Variants in HGFAC observed in about 807,000 individuals in gnomAD.
HGFAC encodes HGF activator.
In HGFAC, 76 loss-of-function variants were observed where a neutral mutation model predicts 70.6. The ratio of observed to expected loss-of-function variants is 1.08; its 90% CI spans 0.89 to 1.30. The LOEUF (loss-of-function observed/expected upper bound fraction) is 1.30, where lower values mean the gene tolerates loss of function less well. HGFAC is among the 50% of genes most tolerant of loss of function. The pLI is 0.00. For synonymous variants in HGFAC, 464 were observed against 405.3 expected (o/e 1.14, Z -1.74); for missense variants, 1,044 against 933.7 (o/e 1.12, Z -1.54).
Position 3,449,333 on chromosome 4 carries a change from C to G in HGFAC, c.1882C>G (p.Pro628Ala), listed in dbSNP as rs1725651298. The change falls in exon 14 of 14, where the codon CCG (proline) becomes GCG (alanine). Residue 628 changes from proline to alanine, a missense_variant. Coordinates refer to ENST00000382774, the MANE Select transcript of HGFAC (RefSeq NM_001528.4). Reference sequence around the variant, plus strand: ...TGACGGCTGCGGGCGGCTCCACAAGCCGGGGGTCTACACCCGCGTGGCCAA... The same window carrying G: ...TGACGGCTGCGGGCGGCTCCACAAGGCGGGGGTCTACACCCGCGTGGCCAA... ...WGDGCGRLHK[P>A]GVYTRVANYV... is the part of the protein sequence containing the mutation. 6.2e-7 allele frequency: 1 copy of G among 1,611,820 alleles called. No individual in the cohort carries two copies. Among genetic ancestry groups the G allele is most frequent in the South Asian group, 1.1e-5 (1 of 90,992 alleles).
chr4:3,445,073 G>A (rs1725455862), intron 8 of HGFAC, 80 bp downstream of exon 8: 4 of 1,440,038 alleles, frequency 2.8e-6, no homozygotes, highest in East Asian at 2.5e-5. Context: ...GGCTCCCTAG[G>A]ACCCAGGCGG....
At chr4:3,447,732 G>A (rs899153184) in intron 11 of HGFAC, 101 bp downstream of exon 11, 1 of 1,551,476 alleles carries the variant, frequency 6.4e-7, no homozygotes, top group Non-Finnish European at 8.8e-7. Flanking sequence ...ATGTGGTGCG[G>A]GGGAAGCTGG....
Position 3,447,731 on chromosome 4 carries a change from G to A in HGFAC, c.1495+100G>A, listed in dbSNP as rs1037637827. On this transcript the variant is annotated intron_variant, in intron 11 of 13. Transcript: ENST00000382774. ...CAGGAGCTGGGCAGACATGTGGTGC[G>A]GGGGAAGCTGGGGGCAGGGCAGGGA... 4.0e-5 allele frequency: 62 copies of A among 1,548,806 alleles called. 1 individual carries two copies. The highest frequency in any genetic ancestry group is 5.4e-5 in the African/African-American group (4 of 73,842).
At position 3,444,876 on chromosome 4, in the gene HGFAC, C is replaced by T. The variant is rs889873680; in HGVS notation, c.899C>T (p.Thr300Ile). 3.1e-6 allele frequency: 5 copies of T among 1,608,114 alleles called. No homozygotes were observed. The highest frequency in any genetic ancestry group is 2.2e-5 in the East Asian group (1 of 44,786). The part of the protein sequence containing the change: ...NGTGYRGVAS[T>I]SASGLSCLAW... ...ACTGGGTACCGTGGCGTGGCCAGCA[C>T]CTCAGCCTCGGGCCTCAGCTGCCTG... is the stretch of plus-strand genomic sequence containing the variant. Residue 300 changes from threonine to isoleucine, a missense_variant, in exon 8 of 14, where the codon ACC becomes ATC. By Grantham distance (89) the Thr-to-Ile change is moderately conservative. Transcript: ENST00000382774.
At position 3,447,515 on chromosome 4, in the gene HGFAC, T is replaced by C. The variant is rs764041312; in HGVS notation, c.1379T>C (p.Val460Ala). 1.2e-6 allele frequency: 2 copies of C among 1,612,612 alleles called. No homozygotes were observed. The highest frequency in any genetic ancestry group is 1.3e-5 in the African/African-American group (1 of 75,050). The change falls in exon 11 of 14, where the codon GTG (valine) becomes GCG (alanine). Residue 460 changes from valine to alanine, a missense_variant. Transcript: ENST00000382774. ...SHSPPRDSVSVVLGQHFFNRT... is the reference protein window; with the variant it reads ...SHSPPRDSVSAVLGQHFFNRT... ...AGCCCCCCCAGGGACAGCGTCTCCG[T>C]GGTGCTGGGCCAGCACTTCTTCAAC...
chr4:3,449,066 C>G (rs1423009752), intron 13 of HGFAC, among the ~76,000 whole-genome samples, 171 bp from the exon 14 acceptor site: 1 of 152,150 alleles, frequency 6.6e-6, no homozygotes, highest in Non-Finnish European at 1.5e-5. Flanking sequence ...CCTGGCCCAG[C>G]CAGTGCTGCC....
At chr4:3,445,026 CG>C in intron 8 of HGFAC, 33 bp downstream of exon 8, 1 of 1,515,704 alleles carries the variant, frequency 6.6e-7, no homozygotes. Flanking sequence ...CCGCCGCATG[CG>C]GGGCAGGCAG....
rs746692659 is a variant in HGFAC at position 3,442,767 on chromosome 4, G to A, written c.153G>A (p.Ala51=). Residue 51 remains alanine (A), a synonymous_variant, in exon 2 of 14, where the codon GCG becomes GCA. Transcript: ENST00000382774. ...AGTCCCCAGAACCTAATGCCACAGCGACCCCTGCGATCCCCACTATCCTGG... is the reference window on the plus strand; with the variant it reads ...AGTCCCCAGAACCTAATGCCACAGCAACCCCTGCGATCCCCACTATCCTGG... ...RTESPEPNAT[A]TPAIPTILVT... 5.2e-6 allele frequency: 8 copies of A among 1,525,100 alleles called. No homozygotes were observed. The highest frequency in any genetic ancestry group is 4.5e-5 in the Admixed American group (2 of 44,042). 94.5% of individuals were successfully genotyped at this position (1,525,100 alleles called of 1,614,324 possible). A position where few individuals can be genotyped will look rare whatever the true frequency, so the allele number is the denominator to read the frequency against.
intron 1 of HGFAC, 57 bp from the exon 2 acceptor site, chr4:3,442,675 G>C: frequency 7.8e-7 from 1 of 1,281,550 alleles, no homozygotes; most frequent in Non-Finnish European, 1.0e-6. Context: ...CCTCCTGCCC[G>C]GCAGGACCTG....
chr4:3,449,284 C>A lies in HGFAC; in HGVS notation c.1833C>A (p.Tyr611Ter). 3 of 1,612,510 alleles carry A rather than the reference C, an allele frequency of 1.9e-6. No homozygotes were observed. The highest frequency in any genetic ancestry group is 2.2e-5 in the South Asian group (2 of 91,066). Residue 611 changes from tyrosine to a stop codon, truncating the protein, a stop_gained, in exon 14 of 14, where the codon TAC becomes TAA. Coordinates refer to ENST00000382774, the MANE Select transcript of HGFAC (RefSeq NM_001528.4). LOFTEE classifies it low-confidence loss of function (END_TRUNC). The part of the protein sequence containing the change: ...PLACEKNGVA[Y>*]LYGIISWGDG... ...CCTGCGAGAAGAACGGCGTGGCTTA[C>A]CTCTACGGCATCATCAGCTGGGGTG...
rs199924643 is a variant in HGFAC, at chr4:3,444,937, C to T, written c.960C>T (p.His320=). The change falls in exon 8 of 14, where the codon CAC becomes CAT. Residue 320 remains histidine, a synonymous_variant. Coordinates refer to ENST00000382774, the MANE Select transcript of HGFAC (RefSeq NM_001528.4). ...WNSDLLYQEL[H]VDSVGAAALL... ...CCGATCTGCTCTACCAGGAGCTGCA[C>T]GTGGACTCCGTGGGCGCCGCGGCCC... 88 of 1,608,912 alleles carry T rather than the reference C, an allele frequency of 5.5e-5. No individual in the cohort carries two copies. In the Middle Eastern group the frequency reaches 7.0e-4, roughly 13 times the overall value.
At position 3,442,779 on chromosome 4, in the gene HGFAC, C is replaced by T. The variant is rs769618633; in HGVS notation, c.165C>T (p.Ile55=). 6.5e-6 allele frequency: 10 copies of T among 1,543,222 alleles called. No individual in the cohort carries two copies. The highest frequency in any genetic ancestry group is 1.4e-5 in the African/African-American group (1 of 71,834). ...PEPNATATPA[I]PTILVTSVTS... ...CTAATGCCACAGCGACCCCTGCGAT[C>T]CCCACTATCCTGGTGACCTCTGTGA... is the stretch of plus-strand genomic sequence containing the variant. The change falls in exon 2 of 14, where the codon ATC becomes ATT. Residue 55 remains isoleucine, a synonymous_variant. Coordinates refer to ENST00000382774, the MANE Select transcript of HGFAC (RefSeq NM_001528.4).
chr4:3,443,052 C>G lies in HGFAC; in HGVS notation c.301C>G (p.Leu101Val), dbSNP rs1451176431. Residue 101 changes from leucine to valine, a missense_variant and splice_region_variant, in exon 3 of 14, where the codon CTC (leucine) becomes GTC (valine). Transcript: ENST00000382774. The stretch of plus-strand genomic sequence containing the variant: ...ACCCTGCCACCCCCTCCCCACAGCA[C>G]TCACCGAGGACGGGAGGCCCTGCAG... ...PSSSSPQAQA[L>V]TEDGRPCRFP... is the part of the protein sequence containing the mutation. 2 of 1,597,880 alleles carry G rather than the reference C, an allele frequency of 1.3e-6. No individual in the cohort carries two copies. The highest frequency in any genetic ancestry group is 1.7e-6 in the Non-Finnish European group (2 of 1,177,764).
At position 3,444,873 on chromosome 4, in the gene HGFAC, GCAC is replaced by G. The variant is rs1725445579; in HGVS notation, c.898_900del (p.Thr300del). ...GGCACTGGGTACCGTGGCGTGGCCA[GCAC>G]CTCAGCCTCGGGCCTCAGCTGCCTG... On this transcript the variant is annotated inframe_deletion, in exon 8 of 14. Transcript: ENST00000382774. 1 of 1,607,338 alleles carries G rather than the reference GCAC, an allele frequency of 6.2e-7. No individual in the cohort carries two copies. Among genetic ancestry groups the G allele is most frequent in the Non-Finnish European group, 8.5e-7 (1 of 1,177,708 alleles).
chr4:3,449,464 G>T lies in HGFAC; in HGVS notation c.*45G>T. 6 of 1,486,222 alleles carry T rather than the reference G, an allele frequency of 4.0e-6. No homozygotes were observed. The highest frequency in any genetic ancestry group is 5.4e-6 in the Non-Finnish European group (6 of 1,112,980). The allele number at this position is 1,486,222 out of a possible 1,614,324, so 92.1% of individuals were successfully genotyped here. ...GGTTCCCACCATTCCCTGCCTTGCT[G>T]ACAATAAAGATATTTCCAAGAACCC... On this transcript the variant is annotated 3_prime_UTR_variant, in exon 14 of 14. Coordinates refer to ENST00000382774, the MANE Select transcript of HGFAC (RefSeq NM_001528.4).
intron 10 of HGFAC, 119 bp from the exon 11 acceptor site, chr4:3,447,373 C>A: frequency 3.4e-6 from 4 of 1,161,592 alleles, no homozygotes; most frequent in South Asian, 1.4e-5. Flanking sequence ...GCTCAGACCC[C>A]TCCCCGGGAC....
chr4:3,442,144 G>T, intron 1 of HGFAC, 26 bp downstream of exon 1: 3 of 1,516,754 alleles, frequency 2.0e-6, no homozygotes, highest in Non-Finnish European at 2.6e-6. Context: ...GTCGCAGTGC[G>T]ACCAGAGGTT....
At position 3,444,985 on chromosome 4, in the gene HGFAC, C is replaced by G. The variant is rs774666825; in HGVS notation, c.1008C>G (p.Ala336=). The change falls in exon 8 of 14, where the codon GCC becomes GCG. Residue 336 remains alanine (A), a synonymous_variant. Coordinates refer to ENST00000382774, the MANE Select transcript of HGFAC (RefSeq NM_001528.4). The part of the protein sequence containing the change: ...AAALLGLGPH[A]YCRNPDNDER... ...CCCTGCTGGGCCTGGGCCCCCATGC[C>G]TACTGCCGGTCAGCACCACGCCGCT... 2 of 1,591,014 alleles carry G rather than the reference C, an allele frequency of 1.3e-6. No individual in the cohort carries two copies. Among genetic ancestry groups the G allele is most frequent in the African/African-American group, 2.7e-5 (2 of 74,476 alleles).
Position 3,442,838 on chromosome 4 carries a change from C to T in HGFAC, c.224C>T (p.Ala75Val), listed in dbSNP as rs766773201. The T allele has an allele frequency of 2.2e-5, 35 of 1,589,280 alleles. No homozygotes were observed. The highest frequency in any genetic ancestry group is 9.4e-6 in the Non-Finnish European group (11 of 1,169,404). The change falls in exon 2 of 14, where the codon GCA (alanine) becomes GTA (valine). Residue 75 changes from alanine (A) to valine (V), a missense_variant. By Grantham distance (64) the Ala-to-Val change is moderately conservative. Coordinates refer to ENST00000382774, the MANE Select transcript of HGFAC (RefSeq NM_001528.4). ...SETPATSAPE[A>V]EGPQSGGLPP... ...ACCCCAGCAACAAGTGCTCCAGAGG[C>T]AGAGGGACCCCAAAGTGGGGGGCTC...
Sources: allele counts gnomAD v4.1 joint callset (sites outside exome capture counted in the v4.1 genomes callset), GRCh38; gene constraint gnomAD v4.1.1; transcripts MANE v1.5; gene names NCBI Gene and HGNC (gene_info 2026-07-23, HGNC 2026-07-21).